The following MICU2 variants were observed in gnomAD, a reference collection of about 807,000 sequenced individuals.
MICU2 encodes the protein mitochondrial calcium uptake 2, also known as calcium uptake protein 2, mitochondrial.
MICU2 carries 64 observed loss-of-function variants against 60.4 expected under a neutral mutation model. The observed-to-expected ratio is 1.06, with a 90% CI of 0.87 to 1.31. The LOEUF is 1.31. Among genes scored for constraint, MICU2 ranks in the 50% most tolerant of loss-of-function variants. The pLI is 0.00. For missense variants in MICU2, 569 were observed against 531.0 expected (o/e 1.07, Z -0.70); for synonymous variants, 201 against 175.0 (o/e 1.15, Z -1.17).
intron 2 of MICU2, among the ~76,000 whole-genome samples, chr13:21,555,676 T>C (rs878983270): frequency 4.6e-5 from 7 of 152,288 alleles, no homozygotes; most frequent in East Asian, 1.9e-4. Context: ...GGCAATCATA[T>C]TGTATTTCTC....
At chr13:21,602,147 C>T (rs1195125598) in intron 1 of MICU2, among the ~76,000 whole-genome samples, 2 of 150,618 alleles carry the variant, frequency 1.3e-5, no homozygotes, top group African/African-American at 2.4e-5. Flanking sequence ...CAAAATGAGA[C>T]ACTGAAGAAG....
At position 21,586,588 on chromosome 13, in the gene MICU2, T is replaced by C. The variant is rs1324130977; in HGVS notation, c.210+17351A>G. Among the ~76,000 whole-genome samples the C allele has an allele frequency of 2.0e-5, 3 of 152,162 alleles. No homozygotes were observed. The East Asian group carries it at 5.8e-4, about 29-fold the overall frequency. ...AATCCTGGCCATTTTTTTTTCTATTTTTTTGTAAAGATGAGATCTTGCTGT... is the reference window on the plus strand; with the variant it reads ...AATCCTGGCCATTTTTTTTTCTATTCTTTTGTAAAGATGAGATCTTGCTGT... On this transcript the variant is annotated intron_variant, in intron 1 of 11. Coordinates refer to ENST00000382374, the MANE Select transcript of MICU2 (RefSeq NM_152726.3).
At chr13:21,538,405 T>C (rs983899989) in intron 4 of MICU2, among the ~76,000 whole-genome samples, 1 of 151,724 alleles carries the variant, frequency 6.6e-6, no homozygotes, top group Non-Finnish European at 1.5e-5. Context: ...CTCCCGTCTA[T>C]ACTAAAATTA....
chr13:21,507,063 C>G (rs1452567114), intron 8 of MICU2, among the ~76,000 whole-genome samples: 1 of 152,094 alleles, frequency 6.6e-6, no homozygotes, highest in African/African-American at 2.4e-5. Context: ...TAAATTCCAG[C>G]CTAGTATAAT....
chr13:21,570,335 A>C (rs1466402219), intron 1 of MICU2, among the ~76,000 whole-genome samples: 1 of 152,186 alleles, frequency 6.6e-6, no homozygotes, highest in Non-Finnish European at 1.5e-5. Context: ...TCACTAATAT[A>C]ATCAATGTGC....
chr13:21,588,273 C>T (rs1201794), intron 1 of MICU2, among the ~76,000 whole-genome samples: 3,716 of 152,242 alleles, frequency 0.024, 148 homozygotes, highest in African/African-American at 0.082. Flanking sequence ...TCAAATATTC[C>T]ATCCACACGT....
At chr13:21,523,997 T>A (rs1271766921) in intron 4 of MICU2, among the ~76,000 whole-genome samples, 1 of 152,142 alleles carries the variant, frequency 6.6e-6, no homozygotes, top group Non-Finnish European at 1.5e-5. Context: ...TGAAGTTGGG[T>A]TTGAAGCTAA....
At chr13:21,555,458 C>G (rs1339356087) in intron 2 of MICU2, among the ~76,000 whole-genome samples, 1 of 152,102 alleles carries the variant, frequency 6.6e-6, no homozygotes, top group African/African-American at 2.4e-5. Context: ...AGGCCTTTGA[C>G]AAAATTCAAC....
At chr13:21,580,364 T>C (rs1016099649) in intron 1 of MICU2, among the ~76,000 whole-genome samples, 5 of 152,220 alleles carry the variant, frequency 3.3e-5, no homozygotes, top group African/African-American at 1.2e-4. Flanking sequence ...GTTACATACA[T>C]ACTTTTAAGG....
rs1312881672 is a variant in MICU2 at position 21,495,277 on chromosome 13, G to C, written c.1084C>G (p.Leu362Val). ...ACAGTGTCCAAAATATTGTTTGAGAGTTCTTGTCCTGTTGCTACTTTCACA... is the reference window on the plus strand; with the variant it reads ...ACAGTGTCCAAAATATTGTTTGAGACTTCTTGTCCTGTTGCTACTTTCACA... ...RAVKVATGQE[L>V]SNNILDTVFK... Residue 362 changes from leucine to valine, a missense_variant, in exon 11 of 12, where the codon CTC (leucine) becomes GTC (valine). Coordinates refer to ENST00000382374, the MANE Select transcript of MICU2 (RefSeq NM_152726.3). The C allele has an allele frequency of 1.2e-6, 2 of 1,610,586 alleles. No individual in the cohort carries two copies. The highest frequency in any genetic ancestry group is 2.2e-5 in the East Asian group (1 of 44,802).
At chr13:21,548,928 T>G (rs958739294) in intron 2 of MICU2, among the ~76,000 whole-genome samples, 2 of 146,086 alleles carry the variant, frequency 1.4e-5, no homozygotes, top group African/African-American at 5.1e-5. Flanking sequence ...AGAGTTTTTT[T>G]TTTTTTTTTT....
intron 5 of MICU2, 38 bp from the exon 6 acceptor site, chr13:21,521,365 GA>G: frequency 6.5e-7 from 1 of 1,547,168 alleles, no homozygotes; most frequent in Non-Finnish European, 8.8e-7. Flanking sequence ...AAATGTTGAT[GA>G]AAACCAAGTT....
chr13:21,592,001 AT>A (rs986765742), intron 1 of MICU2, among the ~76,000 whole-genome samples: 32 of 152,278 alleles, frequency 2.1e-4, no homozygotes, highest in African/African-American at 7.7e-4. Flanking sequence ...ATGACAAGAA[AT>A]AACTAATATC....
intron 2 of MICU2, among the ~76,000 whole-genome samples, chr13:21,550,024 G>C (rs574813900): frequency 1.3e-5 from 2 of 152,234 alleles, no homozygotes; most frequent in Non-Finnish European, 2.9e-5. Flanking sequence ...TTAAAGGGTA[G>C]GGCTAGCACT....
chr13:21,553,984 A>G (rs1451203707), intron 2 of MICU2, among the ~76,000 whole-genome samples: 1 of 152,226 alleles, frequency 6.6e-6, no homozygotes, highest in Non-Finnish European at 1.5e-5. Context: ...AGAACTAACT[A>G]TCCTAAATAT....
chr13:21,579,738 ATTCT>A (rs1270050833), intron 1 of MICU2, among the ~76,000 whole-genome samples: 1 of 152,124 alleles, frequency 6.6e-6, no homozygotes, highest in Non-Finnish European at 1.5e-5. Context: ...CTTTTACCTT[ATTCT>A]TTCTGAAATA....
intron 4 of MICU2, among the ~76,000 whole-genome samples, chr13:21,532,884 G>C (rs1288054065): frequency 2.2e-4 from 34 of 152,070 alleles, no homozygotes; most frequent in Non-Finnish European, 2.9e-5. Flanking sequence ...GGGAATATGG[G>C]GGTAAAGGAA....
At chr13:21,538,789 G>A (rs887512833) in intron 4 of MICU2, among the ~76,000 whole-genome samples, 1 of 152,036 alleles carries the variant, frequency 6.6e-6, no homozygotes. Context: ...GGGGGTCCTG[G>A]AATCAATACC....
At chr13:21,595,404 A>T (rs1456220457) in intron 1 of MICU2, among the ~76,000 whole-genome samples, 1 of 152,242 alleles carries the variant, frequency 6.6e-6, no homozygotes, top group African/African-American at 2.4e-5. Context: ...CTCACAGACC[A>T]GCCAGAACCA....
Sources: gnomAD v4.1 joint callset for allele counts (sites outside exome capture counted in the v4.1 genomes callset) on GRCh38, gnomAD v4.1.1 for gene constraint, MANE v1.5 for transcripts, NCBI Gene and HGNC (gene_info 2026-07-23, HGNC 2026-07-21) for gene names.